CMC1: variants seen among roughly 807,000 people sequenced by gnomAD.
CMC1 encodes COX assembly mitochondrial protein homolog.
A neutral mutation model predicts 14.1 loss-of-function variants in CMC1; 14 were observed. That is an observed-to-expected ratio of 0.99 (90% CI 0.66 to 1.55). CMC1 has a LOEUF of 1.55. Among genes scored for constraint, CMC1 ranks in the 40% most tolerant of loss-of-function variants. CMC1 has a pLI of 0.00. For missense variants in CMC1, 127 were observed against 123.8 expected, an observed-to-expected ratio of 1.03 and a Z score of -0.12; for synonymous variants, 50 against 38.4, an observed-to-expected ratio of 1.30 and a Z score of -1.12.
chr3:28,243,680 T>C (rs1281810528), intron 1 of CMC1, among the ~76,000 whole-genome samples: 1 of 152,184 alleles, frequency 6.6e-6, no homozygotes, highest in East Asian at 1.9e-4. Flanking sequence ...CAAAGACTTG[T>C]TGAGTGTCTG....
chr3:28,248,323 G>A (rs1576968119), intron 1 of CMC1, among the ~76,000 whole-genome samples: 4 of 152,240 alleles, frequency 2.6e-5, no homozygotes, highest in East Asian at 1.9e-4. Context: ...ATAGAAGATT[G>A]GCCACCTCCT....
intron 2 of CMC1, among the ~76,000 whole-genome samples, chr3:28,285,830 G>C (rs1232725940): frequency 6.6e-6 from 1 of 150,602 alleles, no homozygotes. Context: ...GCAGTGGCGC[G>C]ATCTTGGCTC....
chr3:28,269,538 T>G (rs1016299199), intron 2 of CMC1, among the ~76,000 whole-genome samples: 5 of 151,990 alleles, frequency 3.3e-5, no homozygotes, highest in African/African-American at 4.8e-5. Flanking sequence ...GCTGCACCTA[T>G]CAACCCATCA....
intron 2 of CMC1, among the ~76,000 whole-genome samples, chr3:28,277,188 G>A (rs1442195368): frequency 6.6e-6 from 1 of 152,070 alleles, no homozygotes; most frequent in Non-Finnish European, 1.5e-5. Flanking sequence ...ATTAAATAAA[G>A]GTGATAGAGA....
At chr3:28,311,103 C>G (rs548503691) in intron 2 of CMC1, among the ~76,000 whole-genome samples, 1 of 152,068 alleles carries the variant, frequency 6.6e-6, no homozygotes, top group East Asian at 1.9e-4. Context: ...CATTTCTGGA[C>G]ATTATATTTT....
At chr3:28,282,443 A>G (rs767213406) in intron 2 of CMC1, among the ~76,000 whole-genome samples, 3 of 152,218 alleles carry the variant, frequency 2.0e-5, no homozygotes, top group Non-Finnish European at 4.4e-5. Flanking sequence ...TGTCCTACGC[A>G]TTATTCCTTA....
chr3:28,300,531 C>G (rs1701970350), intron 2 of CMC1, among the ~76,000 whole-genome samples: 1 of 151,972 alleles, frequency 6.6e-6, no homozygotes, highest in Admixed American at 6.6e-5. Flanking sequence ...CTCTTCAAAG[C>G]CGAGGCTTCT....
At chr3:28,319,486 AT>A in intron 3 of CMC1, 22 bp from the exon 4 acceptor site, 1 of 1,571,548 alleles carries the variant, frequency 6.4e-7, no homozygotes, top group Non-Finnish European at 8.7e-7. Flanking sequence ...TTACTTGAAA[AT>A]ATTTTCATTT....
At chr3:28,302,198 G>A (rs1013776580) in intron 2 of CMC1, among the ~76,000 whole-genome samples, 2 of 152,160 alleles carry the variant, frequency 1.3e-5, no homozygotes, top group Non-Finnish European at 2.9e-5. Context: ...CAACAGGTTC[G>A]TTTATTACTT....
At chr3:28,283,013 T>G (rs1041797001) in intron 2 of CMC1, among the ~76,000 whole-genome samples, 2 of 152,214 alleles carry the variant, frequency 1.3e-5, no homozygotes, top group Admixed American at 1.3e-4. Flanking sequence ...TTCTGAACTT[T>G]GCCATGTATT....
chr3:28,306,905 C>T (rs189658987), intron 2 of CMC1, among the ~76,000 whole-genome samples: 28 of 152,272 alleles, frequency 1.8e-4, no homozygotes, highest in African/African-American at 6.3e-4. Context: ...CTCGGCCTCC[C>T]AGAGTGCTGG....
At chr3:28,249,722 A>G (rs1198426693) in intron 1 of CMC1, among the ~76,000 whole-genome samples, 1 of 152,190 alleles carries the variant, frequency 6.6e-6, no homozygotes, top group African/African-American at 2.4e-5. Flanking sequence ...AATCTGTCTT[A>G]GTCTACTCAG....
At chr3:28,306,819 A>G (rs575305573) in intron 2 of CMC1, among the ~76,000 whole-genome samples, 1 of 152,048 alleles carries the variant, frequency 6.6e-6, no homozygotes, top group East Asian at 1.9e-4. Context: ...TAATTTTTGT[A>G]CTTTTAGTAG....
intron 2 of CMC1, among the ~76,000 whole-genome samples, chr3:28,305,630 T>C (rs929334383): frequency 6.6e-6 from 1 of 152,166 alleles, no homozygotes; most frequent in Admixed American, 6.5e-5. Context: ...GGTTGTCTGT[T>C]TACCCTGTTG....
Position 28,319,996 on chromosome 3 carries a change from A to G in CMC1, c.*367A>G, listed in dbSNP as rs1703135798. 1 of 162,086 alleles carries G rather than the reference A, an allele frequency of 6.2e-6. No individual in the cohort carries two copies. The highest frequency in any genetic ancestry group is 1.3e-5 in the Non-Finnish European group (1 of 74,878). 10.0% of individuals were successfully genotyped at this position (162,086 alleles called of 1,614,324 possible). ...GAAAAGCAGGAATGGACAACCTTCA[A>G]AGGTGTTAATAATAACTAGGCAGTA... On this transcript the variant is annotated 3_prime_UTR_variant, in exon 4 of 4. Transcript: ENST00000466830.
At chr3:28,295,890 G>A (rs986455931) in intron 2 of CMC1, among the ~76,000 whole-genome samples, 2 of 152,026 alleles carry the variant, frequency 1.3e-5, no homozygotes, top group African/African-American at 4.8e-5. Context: ...TTATTGGGGG[G>A]GAAAAACCCA....
chr3:28,266,752 T>G lies in CMC1; in HGVS notation c.109+3372T>G, dbSNP rs138101765. 2.9e-3 allele frequency among the ~76,000 whole-genome samples: 439 copies of G among 152,258 alleles called. 1 individual carries two copies. Among genetic ancestry groups the G allele is most frequent in the African/African-American group, 0.01 (422 of 41,576 alleles). On this transcript the variant is annotated intron_variant, in intron 2 of 3. Transcript: ENST00000466830. ...TGCTATTGGGGAAACTTTGACAAGA[T>G]TATAAACTCTGTTGATATCAAAAGA...
chr3:28,314,906 C>T (rs1702815733), intron 2 of CMC1: 1 of 152,050 alleles, frequency 6.6e-6, no homozygotes, highest in Non-Finnish European at 1.5e-5. Flanking sequence ...TTTATAATCC[C>T]AAGTACCTGG....
chr3:28,264,579 C>T (rs1200238985), intron 2 of CMC1, among the ~76,000 whole-genome samples: 1 of 152,094 alleles, frequency 6.6e-6, no homozygotes, highest in Non-Finnish European at 1.5e-5. Context: ...AACACCTACC[C>T]CCAGATGTCT....
Sources: allele counts gnomAD v4.1 joint callset (sites outside exome capture counted in the v4.1 genomes callset), GRCh38; gene constraint gnomAD v4.1.1; transcripts MANE v1.5; gene names NCBI Gene and HGNC (gene_info 2026-07-23, HGNC 2026-07-21).